Variants in TTC39C observed in about 807,000 individuals in gnomAD.
TTC39C encodes tetratricopeptide repeat protein 39C.
Under a neutral mutation model 76.3 loss-of-function variants are expected in TTC39C, and 33 were observed. The observed-to-expected ratio is 0.43, with a 90% CI of 0.33 to 0.58. The LOEUF (loss-of-function observed/expected upper bound fraction) is 0.58. Ranked by LOEUF, TTC39C falls within the 20% of genes least tolerant of loss-of-function variation. The pLI is 0.04. For synonymous variants in TTC39C, 254 were observed against 260.6 expected (o/e 0.97, Z 0.24); for missense variants, 595 against 701.4 (o/e 0.85, Z 1.71).
At chr18:24,008,807 C>T (rs1555764287) in intron 1 of TTC39C, among the ~76,000 whole-genome samples, 1 of 152,156 alleles carries the variant, frequency 6.6e-6, no homozygotes. Flanking sequence ...ACTAAATGCC[C>T]ATCAACTGTA....
intron 1 of TTC39C, chr18:24,022,465 G>A: frequency 1.6e-6 from 1 of 640,870 alleles, no homozygotes. Context: ...GCAGTAGTGG[G>A]GAGTGCTGGG....
chr18:24,101,493 A>T (rs1292092377), intron 6 of TTC39C, among the ~76,000 whole-genome samples: 1 of 151,600 alleles, frequency 6.6e-6, no homozygotes, highest in South Asian at 2.1e-4. Flanking sequence ...CAGGAGGTGG[A>T]GGTCGCAGTG....
At chr18:24,098,551 T>C (rs1197165785) in intron 6 of TTC39C, among the ~76,000 whole-genome samples, 2 of 78,374 alleles carry the variant, frequency 2.6e-5, no homozygotes, top group Admixed American at 1.8e-4. Flanking sequence ...CCCTCCCCTC[T>C]CCTCTCCTCT....
intron 1 of TTC39C, among the ~76,000 whole-genome samples, chr18:24,036,182 C>T (rs562139930): frequency 1.3e-5 from 2 of 152,114 alleles, no homozygotes. Context: ...CCAATTTGTT[C>T]TTTTTCAAGA....
intron 1 of TTC39C, among the ~76,000 whole-genome samples, chr18:24,031,990 G>A (rs532674940): frequency 7.2e-5 from 11 of 152,254 alleles, no homozygotes; most frequent in Non-Finnish European, 1.0e-4. Context: ...TTACACACAC[G>A]CAGAAGGTGG....
chr18:23,997,733 A>G (rs2083280867), intron 1 of TTC39C, among the ~76,000 whole-genome samples: 1 of 151,518 alleles, frequency 6.6e-6, no homozygotes, highest in Admixed American at 6.6e-5. Flanking sequence ...AAACCAAAAC[A>G]GGCATAGTGG....
chr18:24,009,171 C>A (rs1464648437), intron 1 of TTC39C, among the ~76,000 whole-genome samples: 3 of 152,182 alleles, frequency 2.0e-5, no homozygotes, highest in Admixed American at 1.3e-4. Flanking sequence ...ACCTCTATAA[C>A]AAACCTGGAC....
At chr18:24,023,220 C>T (rs2083537463) in intron 1 of TTC39C, among the ~76,000 whole-genome samples, 1 of 152,136 alleles carries the variant, frequency 6.6e-6, no homozygotes. Flanking sequence ...GTCTCTTGAC[C>T]CAATTTGAGG....
chr18:24,022,167 G>T (rs1288694895), intron 1 of TTC39C, among the ~76,000 whole-genome samples: 1 of 152,182 alleles, frequency 6.6e-6, no homozygotes, highest in South Asian at 2.1e-4. Flanking sequence ...TTCTATCAGG[G>T]ATTTGAGCAT....
At chr18:24,050,117 C>T (rs1384159685) in intron 1 of TTC39C, among the ~76,000 whole-genome samples, 4 of 152,210 alleles carry the variant, frequency 2.6e-5, no homozygotes, top group Non-Finnish European at 4.4e-5. Context: ...TGCCAGCCCC[C>T]AGTCGCCAAT....
At chr18:24,018,042 C>T (rs1234285537) in intron 1 of TTC39C, among the ~76,000 whole-genome samples, 1 of 152,166 alleles carries the variant, frequency 6.6e-6, no homozygotes, top group East Asian at 1.9e-4. Context: ...TTGTATAATT[C>T]AGATATTATG....
At chr18:24,071,796 C>A (rs185534409) in intron 4 of TTC39C, among the ~76,000 whole-genome samples, 6 of 152,224 alleles carry the variant, frequency 3.9e-5, no homozygotes, top group Admixed American at 3.3e-4. Context: ...ATCTTTACAG[C>A]CTTTGCCTAT....
At chr18:24,033,187 C>T (rs539422511) in intron 1 of TTC39C, among the ~76,000 whole-genome samples, 35 of 152,204 alleles carry the variant, frequency 2.3e-4, no homozygotes, top group African/African-American at 7.7e-4. Flanking sequence ...TGGGGGGCGG[C>T]GGTTGCAGTG....
intron 6 of TTC39C, among the ~76,000 whole-genome samples, chr18:24,100,891 G>A (rs1187507729): frequency 6.6e-6 from 1 of 152,184 alleles, no homozygotes; most frequent in Non-Finnish European, 1.5e-5. Flanking sequence ...TGGCCTGTTA[G>A]TACATGTCCC....
chr18:24,047,041 T>A (rs550137659), intron 1 of TTC39C, among the ~76,000 whole-genome samples: 1 of 151,986 alleles, frequency 6.6e-6, no homozygotes, highest in South Asian at 2.1e-4. Flanking sequence ...CTCAGAACTT[T>A]AGTACAGTTT....
At chr18:24,080,130 C>T (rs1462716993) in intron 4 of TTC39C, among the ~76,000 whole-genome samples, 2 of 152,122 alleles carry the variant, frequency 1.3e-5, no homozygotes, top group Non-Finnish European at 2.9e-5. Flanking sequence ...GTCACCTAGA[C>T]CTAGGCCAAG....
intron 1 of TTC39C, among the ~76,000 whole-genome samples, chr18:24,030,144 G>A (rs1258005959): frequency 1.3e-5 from 2 of 152,156 alleles, no homozygotes; most frequent in Non-Finnish European, 2.9e-5. Flanking sequence ...GTTGAAGGAT[G>A]GGTTAGAAAG....
At chr18:24,029,025 A>G (rs2083634037) in intron 1 of TTC39C, among the ~76,000 whole-genome samples, 1 of 151,996 alleles carries the variant, frequency 6.6e-6, no homozygotes, top group African/African-American at 2.4e-5. Context: ...GCCCCTACGT[A>G]ATATTTTTAA....
At chr18:24,084,313 G>C (rs562485912) in intron 6 of TTC39C, among the ~76,000 whole-genome samples, 2 of 151,912 alleles carry the variant, frequency 1.3e-5, no homozygotes, top group African/African-American at 4.8e-5. Flanking sequence ...GTGAAACCCT[G>C]TTTCCACGAA....
Sources: allele counts gnomAD v4.1 joint callset (sites outside exome capture counted in the v4.1 genomes callset), GRCh38; gene constraint gnomAD v4.1.1; transcripts MANE v1.5; gene names NCBI Gene and HGNC (gene_info 2026-07-23, HGNC 2026-07-21).